The following CALD1 variants were observed in gnomAD, a reference collection of about 807,000 sequenced individuals.
CALD1 encodes caldesmon 1.
Under a neutral mutation model 99.9 loss-of-function variants are expected in CALD1, and 33 were observed. The ratio of observed to expected loss-of-function variants is 0.33; its 90% CI spans 0.25 to 0.44. The LOEUF (loss-of-function observed/expected upper bound fraction) is 0.44, where lower values mean the gene tolerates loss of function less well. Among genes scored for constraint, CALD1 ranks in the 20% least tolerant of loss-of-function variants. The pLI is 1.00. For synonymous variants in CALD1, 310 were observed against 325.0 expected (o/e 0.95, Z 0.50); for missense variants, 861 against 962.1 (o/e 0.89, Z 1.39).
At chr7:134,913,273 GA>G (rs199897392) in intron 3 of CALD1, among the ~76,000 whole-genome samples, 16 of 147,078 alleles carry the variant, frequency 1.1e-4, no homozygotes, top group African/African-American at 3.2e-4. Context: ...TCTCAAAAAA[GA>G]AAAAAAAAAT....
chr7:134,830,812 T>C (rs950637825), intron 1 of CALD1, among the ~76,000 whole-genome samples: 3 of 152,192 alleles, frequency 2.0e-5, no homozygotes, highest in Non-Finnish European at 4.4e-5. Context: ...ATAATGACAA[T>C]AGAAGTCTTT....
intron 3 of CALD1, among the ~76,000 whole-genome samples, chr7:134,878,304 C>T (rs575263052): frequency 6.6e-6 from 1 of 152,264 alleles, no homozygotes; most frequent in South Asian, 2.1e-4. Context: ...CATGGTGGCT[C>T]CTGCGTGTAA....
chr7:134,729,063 G>A, the CALD1 span, among the ~76,000 whole-genome samples: 2 of 151,956 alleles, frequency 1.3e-5, no homozygotes, highest in Non-Finnish European at 2.9e-5. Context: ...TGTTGGCCAG[G>A]CTGATCCTGA....
chr7:134,851,589 C>A (rs571325947), intron 2 of CALD1, among the ~76,000 whole-genome samples: 1 of 152,264 alleles, frequency 6.6e-6, no homozygotes, highest in South Asian at 2.1e-4. Context: ...TCAAAATGAA[C>A]GTGTGTTTAT....
At chr7:134,859,888 C>A (rs533809260) in intron 2 of CALD1, among the ~76,000 whole-genome samples, 2 of 152,236 alleles carry the variant, frequency 1.3e-5, no homozygotes, top group South Asian at 2.1e-4. Context: ...GTCTGCTACT[C>A]AGAAGGTGAA....
At chr7:134,958,662 T>G (rs1323024825) in intron 11 of CALD1, among the ~76,000 whole-genome samples, 2 of 151,684 alleles carry the variant, frequency 1.3e-5, no homozygotes, top group Non-Finnish European at 1.5e-5. Flanking sequence ...CGCCTTGGCC[T>G]CCCAAAGCCG....
chr7:134,790,577 C>A (rs1007019055), intron 1 of CALD1, among the ~76,000 whole-genome samples: 4 of 152,166 alleles, frequency 2.6e-5, no homozygotes, highest in South Asian at 2.1e-4. Flanking sequence ...CATTGTCATT[C>A]CCTGCCATAT....
chr7:134,761,077 A>G (rs766234409), intron 1 of CALD1, among the ~76,000 whole-genome samples: 1 of 152,326 alleles, frequency 6.6e-6, no homozygotes, highest in African/African-American at 2.4e-5. Flanking sequence ...AATGATGCCA[A>G]GAAAGGTGGG....
the CALD1 span, among the ~76,000 whole-genome samples, chr7:134,719,511 A>T: frequency 2.6e-5 from 4 of 152,166 alleles, no homozygotes; most frequent in Non-Finnish European, 1.5e-5. Context: ...GCAAAGGGCT[A>T]GAGTCCAGGG....
At chr7:134,912,430 T>C (rs184670073) in intron 3 of CALD1, among the ~76,000 whole-genome samples, 3 of 152,258 alleles carry the variant, frequency 2.0e-5, no homozygotes, top group East Asian at 3.9e-4. Context: ...ACACTAATAA[T>C]GCAAACCCAA....
chr7:134,933,516 T>A lies in CALD1; in HGVS notation c.747T>A (p.Asp249Glu), dbSNP rs1277840811. 1.2e-6 allele frequency: 2 copies of A among 1,613,680 alleles called. No homozygotes were observed. The highest frequency in any genetic ancestry group is 1.1e-5 in the South Asian group (1 of 91,034). The change falls in exon 5 of 15, where the codon GAT becomes GAA. Residue 249 changes from aspartate to glutamate, a missense_variant. This residue lies in a region of CALD1 where 234 missense variants were observed against 233.1 expected (regional missense o/e 1.00). Coordinates refer to ENST00000361675, the MANE Select transcript of CALD1 (RefSeq NM_033138.4). ...KQEEEREQGSDEISHHEKMEE... is the reference protein window; with the variant it reads ...KQEEEREQGSEEISHHEKMEE... ...AGGAGGAGAGGGAACAAGGTTCAGA[T>A]GAGATTTCCCATCATGAAAAGATGG...
At chr7:134,812,925 T>C (rs1385930013) in intron 1 of CALD1, among the ~76,000 whole-genome samples, 1 of 152,112 alleles carries the variant, frequency 6.6e-6, no homozygotes, top group Non-Finnish European at 1.5e-5. Context: ...TTTTAGGGTC[T>C]TCCAACATTT....
At chr7:134,945,396 T>G (rs1806777373) in intron 7 of CALD1, among the ~76,000 whole-genome samples, 1 of 152,210 alleles carries the variant, frequency 6.6e-6, no homozygotes. Flanking sequence ...ACATGTTCTA[T>G]TTCAGTTTAT....
chr7:134,925,716 C>G (rs1804955215), intron 3 of CALD1, among the ~76,000 whole-genome samples: 1 of 152,198 alleles, frequency 6.6e-6, no homozygotes, highest in African/African-American at 2.4e-5. Context: ...CACCACATTC[C>G]TTCCTCAACA....
intron 1 of CALD1, among the ~76,000 whole-genome samples, chr7:134,747,918 C>G (rs913679097): frequency 6.6e-6 from 1 of 152,188 alleles, no homozygotes. Flanking sequence ...CATGTGATTC[C>G]CATCTGGGAG....
At position 134,857,095 on chromosome 7, in the gene CALD1, G is replaced by A. The variant is rs372693637; in HGVS notation, c.-41-10598G>A. Among the ~76,000 whole-genome samples the A allele has an allele frequency of 4.0e-5, 6 of 151,506 alleles. No individual in the cohort carries two copies. In the South Asian group the frequency reaches 8.3e-4, roughly 21 times the overall value. On this transcript the variant is annotated intron_variant, in intron 2 of 14. Transcript: ENST00000361675. ...AGTGCTCCAATAGAAATACAACATG[G>A]GTATCAGTACAAACTCAGGCTATTG...
chr7:134,881,416 A>C (rs1384489884), intron 3 of CALD1, among the ~76,000 whole-genome samples: 1 of 152,242 alleles, frequency 6.6e-6, no homozygotes, highest in East Asian at 1.9e-4. Context: ...ATAAAAGAAA[A>C]GACACTGGAT....
chr7:134,779,427 T>C (rs1797017467), upstream of CALD1: 1 of 370,804 alleles, frequency 2.7e-6, no homozygotes. Context: ...AGTGATTTCC[T>C]GAGCATGCCT....
At chr7:134,927,339 G>A (rs535822689) in intron 3 of CALD1, among the ~76,000 whole-genome samples, 3 of 151,766 alleles carry the variant, frequency 2.0e-5, no homozygotes, top group Non-Finnish European at 2.9e-5. Flanking sequence ...ATAGAGCTCA[G>A]GAGCTCGAGA....
Sources: gnomAD v4.1 joint callset for allele counts (sites outside exome capture counted in the v4.1 genomes callset) on GRCh38, gnomAD v4.1.1 for gene constraint, gnomAD v4.1.1 regional missense constraint, MANE v1.5 for transcripts, NCBI Gene and HGNC (gene_info 2026-07-23, HGNC 2026-07-21) for gene names.